Variants in PRKCE observed in about 807,000 individuals in gnomAD.
The protein encoded by PRKCE is protein kinase C epsilon.
PRKCE carries 16 observed loss-of-function variants against 85.4 expected under a neutral mutation model. The observed-to-expected ratio is 0.19, with a 90% CI of 0.13 to 0.28. The LOEUF is 0.28. Among genes scored for constraint, PRKCE ranks in the 10% least tolerant of loss-of-function variants. PRKCE has a pLI of 1.00. For missense variants in PRKCE, 573 were observed against 975.2 expected (o/e 0.59, Z 5.49); for synonymous variants, 388 against 371.5 (o/e 1.04, Z -0.51).
intron 10 of PRKCE, among the ~76,000 whole-genome samples, chr2:46,013,953 G>A (rs1479301112): frequency 1.3e-5 from 2 of 152,150 alleles, no homozygotes; most frequent in Non-Finnish European, 2.9e-5. Flanking sequence ...TGAACCCATT[G>A]GCATCAGTCA....
Position 45,958,812 on chromosome 2 carries a change from ATATATTTTTTTTTTTTTTTT to A in PRKCE, c.413-17615_413-17596del, listed in dbSNP as rs1209624806. Among the ~76,000 whole-genome samples the A allele has an allele frequency of 3.9e-3, 104 of 26,796 alleles. 2 individuals are homozygous for A. Among genetic ancestry groups the A allele is most frequent in the South Asian group, 8.1e-3 (4 of 492 alleles). 17.6% of individuals were successfully genotyped at this position (26,796 alleles called of 152,430 possible). On this transcript the variant is annotated intron_variant, in intron 2 of 14. Transcript: ENST00000306156. Reference sequence around the variant, plus strand: ...AAAACATATATATATATATATATATATATATTTTTTTTTTTTTTTTTTTTTTTTTTTTTTTTTTTTTTTAA... The same window carrying A: ...AAAACATATATATATATATATATATATTTTTTTTTTTTTTTTTTTTTTTAA...
At chr2:45,682,639 T>C (rs1291923363) in intron 1 of PRKCE, among the ~76,000 whole-genome samples, 2 of 152,006 alleles carry the variant, frequency 1.3e-5, no homozygotes, top group Non-Finnish European at 2.9e-5. Context: ...CAGGCTGGAG[T>C]GCAATGGCGC....
intron 1 of PRKCE, among the ~76,000 whole-genome samples, chr2:45,773,936 A>T (rs1420238155): frequency 1.3e-5 from 2 of 152,150 alleles, no homozygotes; most frequent in Non-Finnish European, 2.9e-5. Flanking sequence ...GCCTTCAGCA[A>T]ACATCCCTGC....
chr2:45,904,614 G>A (rs888356556), intron 2 of PRKCE, among the ~76,000 whole-genome samples: 3 of 152,166 alleles, frequency 2.0e-5, no homozygotes, highest in South Asian at 2.1e-4. Flanking sequence ...CTCCATGTGC[G>A]TTGATGATTA....
chr2:45,866,336 C>G (rs1693606628), intron 2 of PRKCE, among the ~76,000 whole-genome samples: 1 of 152,036 alleles, frequency 6.6e-6, no homozygotes, highest in East Asian at 1.9e-4. Context: ...GAGATGGAAT[C>G]TCGCTCTGTT....
At chr2:45,745,180 C>G (rs949718259) in intron 1 of PRKCE, among the ~76,000 whole-genome samples, 3 of 152,128 alleles carry the variant, frequency 2.0e-5, no homozygotes, top group African/African-American at 7.2e-5. Context: ...TCATGCGGGT[C>G]CTGCAAACCA....
intron 14 of PRKCE, among the ~76,000 whole-genome samples, chr2:46,180,770 C>T (rs918308720): frequency 3.3e-5 from 5 of 152,202 alleles, no homozygotes; most frequent in South Asian, 2.1e-4. Context: ...TGCCTGTTAC[C>T]ACCCCCGTGT....
intron 6 of PRKCE, among the ~76,000 whole-genome samples, chr2:45,995,170 T>C (rs1053662222): frequency 6.6e-6 from 1 of 152,192 alleles, no homozygotes; most frequent in African/African-American, 2.4e-5. Context: ...GTTGCCTATA[T>C]TGGATAATAT....
chr2:46,007,545 G>C lies in PRKCE; in HGVS notation c.1147G>C (p.Asp383His), dbSNP rs751195190. 3.1e-5 allele frequency: 50 copies of C among 1,599,692 alleles called. No individual in the cohort carries two copies. In the Admixed American group the frequency reaches 8.3e-4, roughly 27 times the overall value. ...GEEHRAASSP[D>H]GQLMSPGENG... is the part of the protein sequence containing the mutation. ...GGAGCACCGGGCAGCATCGTCTCCTGATGGCCAGCTGATGAGCCCCGGTGA... is the reference window on the plus strand; with the variant it reads ...GGAGCACCGGGCAGCATCGTCTCCTCATGGCCAGCTGATGAGCCCCGGTGA... The change falls in exon 9 of 15, where the codon GAT becomes CAT. Residue 383 changes from aspartate (D) to histidine (H), a missense_variant. This residue lies in a region of PRKCE where 117 missense variants were observed against 104.8 expected (regional missense o/e 1.12). Coordinates refer to ENST00000306156, the MANE Select transcript of PRKCE (RefSeq NM_005400.3).
chr2:46,175,839 T>C (rs1402351826), intron 14 of PRKCE, among the ~76,000 whole-genome samples: 1 of 151,794 alleles, frequency 6.6e-6, no homozygotes. Flanking sequence ...TCTAGTATGG[T>C]CTTAGGCTCC....
chr2:45,693,702 G>C (rs544256799), intron 1 of PRKCE, among the ~76,000 whole-genome samples: 2 of 152,306 alleles, frequency 1.3e-5, no homozygotes, highest in Non-Finnish European at 2.9e-5. Context: ...CAAATTGCAA[G>C]AGGTTAAGGA....
intron 1 of PRKCE, among the ~76,000 whole-genome samples, chr2:45,744,361 A>G (rs1682850014): frequency 6.6e-6 from 1 of 152,172 alleles, no homozygotes; most frequent in South Asian, 2.1e-4. Context: ...CATCAGAATC[A>G]CATAAAGTAA....
chr2:45,737,418 A>T (rs1573131228), intron 1 of PRKCE, among the ~76,000 whole-genome samples: 9 of 152,286 alleles, frequency 5.9e-5, no homozygotes, highest in Middle Eastern at 3.4e-3. Context: ...CGGAGCACTC[A>T]GACATCCACT....
intron 1 of PRKCE, among the ~76,000 whole-genome samples, chr2:45,755,916 T>C (rs1022769906): frequency 8.6e-5 from 13 of 152,024 alleles, no homozygotes; most frequent in African/African-American, 2.7e-4. Flanking sequence ...ACTCGGAGAA[T>C]TGGAGAAGGT....
chr2:45,872,825 T>C (rs1334611415), intron 2 of PRKCE, among the ~76,000 whole-genome samples: 1 of 152,130 alleles, frequency 6.6e-6, no homozygotes, highest in African/African-American at 2.4e-5. Context: ...TCTGGATAAA[T>C]GGCTGTGGTG....
intron 2 of PRKCE, among the ~76,000 whole-genome samples, chr2:45,976,053 C>G (rs945630826): frequency 5.3e-5 from 8 of 152,192 alleles, no homozygotes; most frequent in Admixed American, 1.3e-4. Context: ...GAAACACCAC[C>G]TATCCAAGGT....
At chr2:46,011,421 ACTTTT>A (rs1008360692) in intron 10 of PRKCE, among the ~76,000 whole-genome samples, 1 of 152,134 alleles carries the variant, frequency 6.6e-6, no homozygotes, top group African/African-American at 2.4e-5. Flanking sequence ...CATTTGGCAA[ACTTTT>A]CTTTTATTAT....
intron 2 of PRKCE, among the ~76,000 whole-genome samples, chr2:45,936,849 C>T (rs1249826022): frequency 1.3e-5 from 2 of 152,146 alleles, no homozygotes; most frequent in Admixed American, 1.3e-4. Flanking sequence ...CAACCTACCG[C>T]AGGTATGTGT....
intron 1 of PRKCE, among the ~76,000 whole-genome samples, chr2:45,801,861 G>C (rs1412324455): frequency 6.6e-6 from 1 of 152,160 alleles, no homozygotes; most frequent in Non-Finnish European, 1.5e-5. Flanking sequence ...ATGTTGTGCT[G>C]ATCCTAGCCT....
Sources: gnomAD v4.1 joint callset for allele counts (sites outside exome capture counted in the v4.1 genomes callset) on GRCh38, gnomAD v4.1.1 for gene constraint, gnomAD v4.1.1 regional missense constraint, MANE v1.5 for transcripts, NCBI Gene and HGNC (gene_info 2026-07-23, HGNC 2026-07-21) for gene names.